Variants in CBR3 observed in about 807,000 individuals in gnomAD.
CBR3 encodes carbonyl reductase [NADPH] 3.
In CBR3, 14 loss-of-function variants were observed where a neutral mutation model predicts 11.6. The ratio of observed to expected loss-of-function variants is 1.20; its 90% CI spans 0.79 to 1.88. The LOEUF (loss-of-function observed/expected upper bound fraction) is 1.88. CBR3 is among the 40% of genes most tolerant of loss of function. CBR3 has a pLI of 0.00. For synonymous variants in CBR3, 125 were observed against 145.6 expected, an observed-to-expected ratio of 0.86 and a Z score of 1.02; for missense variants, 308 against 357.3, an observed-to-expected ratio of 0.86 and a Z score of 1.11.
chr21:36,137,035 A>C (rs770765630), intron 1 of CBR3: 2 of 58,258 alleles, frequency 3.4e-5, no homozygotes, highest in Non-Finnish European at 9.4e-5. Context: ...CTCAAAAAAA[A>C]AAAAAAAAAA....
In CBR3 at chr21:36,143,688, C is replaced by T. The variant is rs555261896; in HGVS notation, c.398-2388C>T. 1.5e-4 allele frequency among the ~76,000 whole-genome samples: 23 copies of T among 151,616 alleles called. No homozygotes were observed. In the South Asian group the frequency reaches 2.5e-3, roughly 17 times the overall value. ...TGAGCTCAGGAGTTTGCGACCAGCC[C>T]GGCCAACATGGAGAAACCCCGTTTC... On this transcript the variant is annotated intron_variant, in intron 2 of 2. Coordinates refer to ENST00000290354, the MANE Select transcript of CBR3 (RefSeq NM_001236.4).
At chr21:36,143,696 A>G (rs1373543217) in intron 2 of CBR3, among the ~76,000 whole-genome samples, 3 of 152,084 alleles carry the variant, frequency 2.0e-5, no homozygotes, top group African/African-American at 4.8e-5. Context: ...CCCGGCCAAC[A>G]TGGAGAAACC....
chr21:36,140,215 G>A (rs903670105), intron 2 of CBR3, among the ~76,000 whole-genome samples: 1 of 152,106 alleles, frequency 6.6e-6, no homozygotes, highest in African/African-American at 2.4e-5. Flanking sequence ...CTAAGAAGGT[G>A]AATGGTGAGA....
In CBR3 at chr21:36,143,267, C is replaced by T. The variant is rs9282630; in HGVS notation, c.398-2809C>T. ...GCAGTGAGCTGAGATCGCGCCACTG[C>T]ACTCCAGCCTGGACAACAGAGCAAG... On this transcript the variant is annotated intron_variant, in intron 2 of 2. Transcript: ENST00000290354. Among the ~76,000 whole-genome samples, 323 of 151,818 alleles carry T rather than the reference C, an allele frequency of 2.1e-3. 7 individuals are homozygous for T. The East Asian group carries it at 0.052, about 25-fold the overall frequency.
chr21:36,139,382 CTTTT>C (rs35931656), intron 2 of CBR3, among the ~76,000 whole-genome samples: 20 of 126,686 alleles, frequency 1.6e-4, no homozygotes, highest in Admixed American at 2.5e-4. Flanking sequence ...CTTGCTTTTT[CTTTT>C]TTTTTTTTTT....
chr21:36,136,046 C>T (rs1378608597), intron 1 of CBR3, among the ~76,000 whole-genome samples: 1 of 152,156 alleles, frequency 6.6e-6, no homozygotes, highest in African/African-American at 2.4e-5. Flanking sequence ...CTCGTTCCCC[C>T]ACCCCCGCCC....
At chr21:36,135,528 G>T in intron 1 of CBR3, 47 bp downstream of exon 1, 1 of 1,515,252 alleles carries the variant, frequency 6.6e-7, no homozygotes, top group Non-Finnish European at 8.9e-7. Context: ...CTCCGAGGGT[G>T]CGGAGGTGGC....
At chr21:36,142,769 G>A (rs959633375) in intron 2 of CBR3, among the ~76,000 whole-genome samples, 4 of 152,098 alleles carry the variant, frequency 2.6e-5, no homozygotes, top group Non-Finnish European at 2.9e-5. Context: ...GGTATTTATC[G>A]AACTATTCTT....
chr21:36,146,436 A>G lies in CBR3; in HGVS notation c.758A>G (p.Tyr253Cys), dbSNP rs1203490307. ...GAGGAGGGGGCTGAGACCCCTGTCTACTTGGCCCTCTTGCCTCCAGATGCC... is the reference window on the plus strand; with the variant it reads ...GAGGAGGGGGCTGAGACCCCTGTCTGCTTGGCCCTCTTGCCTCCAGATGCC... ...TVEEGAETPV[Y>C]LALLPPDATE... is the part of the protein sequence containing the mutation. The change falls in exon 3 of 3, where the codon TAC becomes TGC. Residue 253 changes from tyrosine to cysteine, a missense_variant. Tyr to Cys is a radical substitution (Grantham distance 194). Coordinates refer to ENST00000290354, the MANE Select transcript of CBR3 (RefSeq NM_001236.4). 1.2e-6 allele frequency: 2 copies of G among 1,614,200 alleles called. No individual in the cohort carries two copies. Among genetic ancestry groups the G allele is most frequent in the East Asian group, 2.2e-5 (1 of 44,880 alleles).
intron 2 of CBR3, chr21:36,141,946 G>C: frequency 1.0e-6 from 1 of 983,348 alleles, no homozygotes; most frequent in Non-Finnish European, 1.2e-6. Flanking sequence ...TGAGAACAAA[G>C]CTGTTTAGAA....
In CBR3 at chr21:36,146,558, A is replaced by C. The variant is rs372950927; in HGVS notation, c.*46A>C. On this transcript the variant is annotated 3_prime_UTR_variant, in exon 3 of 3. Transcript: ENST00000290354. ...TGCTTAATAAATGTTGGTGGAATGA[A>C]TGAATGAATTGATGCTGTGGTTTGA... 2.6e-5 allele frequency: 38 copies of C among 1,452,592 alleles called. No individual in the cohort carries two copies. The African/African-American group carries it at 3.5e-4, about 14-fold the overall frequency. The allele number at this position is 1,452,592 out of a possible 1,614,324, so 90.0% of individuals were successfully genotyped here. A position where few individuals can be genotyped will look rare whatever the true frequency, so the allele number is the denominator to read the frequency against.
At position 36,137,975 on chromosome 21, in the gene CBR3, G is replaced by A. The variant is rs760725808; in HGVS notation, c.397+43G>A. ...ACAGTCGGGTTGCATCCCTCAGTAA[G>A]AAGTGGGCTACAGGCTTCCCGGAGC... On this transcript the variant is annotated intron_variant, in intron 2 of 2. Coordinates refer to ENST00000290354, the MANE Select transcript of CBR3 (RefSeq NM_001236.4). The A allele has an allele frequency of 2.5e-5, 27 of 1,069,156 alleles. No individual in the cohort carries two copies. The East Asian group carries it at 5.7e-4, about 22-fold the overall frequency. 66.2% of individuals were successfully genotyped at this position (1,069,156 alleles called of 1,614,324 possible).
chr21:36,140,361 C>A lies in CBR3; in HGVS notation c.397+2429C>A, dbSNP rs2065699254. Among the ~76,000 whole-genome samples the A allele has an allele frequency of 2.6e-5, 4 of 151,978 alleles. No homozygotes were observed. The South Asian group carries it at 8.3e-4, about 32-fold the overall frequency. ...AATATAAACGCACATTTTAAAAACT[C>A]TCCTTTTTACACAGAAGGTAACATT... On this transcript the variant is annotated intron_variant, in intron 2 of 2. Coordinates refer to ENST00000290354, the MANE Select transcript of CBR3 (RefSeq NM_001236.4).
At chr21:36,138,409 CAA>C (rs1413909235) in intron 2 of CBR3, 1 of 154,008 alleles carries the variant, frequency 6.5e-6, no homozygotes, top group African/African-American at 2.4e-5. Context: ...CTTGGCCTCC[CAA>C]AGTGTTAGAA....
intron 2 of CBR3, among the ~76,000 whole-genome samples, chr21:36,145,671 A>G (rs1021930767): frequency 4.6e-5 from 7 of 152,064 alleles, no homozygotes; most frequent in African/African-American, 1.4e-4. Flanking sequence ...AATTAAACCT[A>G]CACAATGGCC....
intron 1 of CBR3, 26 bp downstream of exon 1, chr21:36,135,507 C>A (rs770729006): frequency 8.3e-6 from 13 of 1,572,440 alleles, no homozygotes; most frequent in Non-Finnish European, 1.1e-5. Context: ...GGGTTGGGGC[C>A]CCCTGGAGCG....
intron 2 of CBR3, among the ~76,000 whole-genome samples, chr21:36,139,329 T>G (rs11910763): frequency 0.4 from 60,047 of 151,292 alleles, 12,480 homozygotes; most frequent in Admixed American, 0.47. Context: ...CCCCAAGAAG[T>G]TAACTGTGGA....
chr21:36,141,115 T>A (rs2123345349), intron 2 of CBR3, among the ~76,000 whole-genome samples: 1 of 149,060 alleles, frequency 6.7e-6, no homozygotes, highest in Middle Eastern at 3.5e-3. Context: ...AAAATGAAAA[T>A]TAAAAATTAG....
chr21:36,145,943 AG>A (rs2065750779), intron 2 of CBR3, 132 bp from the exon 3 acceptor site: 1 of 659,078 alleles, frequency 1.5e-6, no homozygotes, highest in Admixed American at 3.6e-5. Context: ...CCTGGGCAAC[AG>A]GGCGAGACTC....
Sources: allele counts gnomAD v4.1 joint callset (sites outside exome capture counted in the v4.1 genomes callset), GRCh38; gene constraint gnomAD v4.1.1; transcripts MANE v1.5; gene names NCBI Gene and HGNC (gene_info 2026-07-23, HGNC 2026-07-21).